Variants in NOVA1 observed in about 807,000 individuals in gnomAD.
NOVA1 encodes the protein RNA-binding protein Nova-1.
A neutral mutation model predicts 38.0 loss-of-function variants in NOVA1; 7 were observed. That is an observed-to-expected ratio of 0.18 (90% CI 0.10 to 0.35). NOVA1 has a LOEUF of 0.35. Ranked by LOEUF, NOVA1 falls within the 10% of genes least tolerant of loss-of-function variation. The pLI is 1.00. For missense variants in NOVA1, 460 were observed against 616.0 expected, an observed-to-expected ratio of 0.75 and a Z score of 2.68; for synonymous variants, 270 against 232.5, an observed-to-expected ratio of 1.16 and a Z score of -1.47.
At chr14:26,530,231 T>C (rs1191047231) in intron 2 of NOVA1, among the ~76,000 whole-genome samples, 1 of 152,208 alleles carries the variant, frequency 6.6e-6, no homozygotes, top group East Asian at 1.9e-4. Flanking sequence ...AGTGACTCAT[T>C]TTACCTTTAC....
At chr14:26,584,863 C>T (rs1328305279) in intron 2 of NOVA1, among the ~76,000 whole-genome samples, 2 of 151,378 alleles carry the variant, frequency 1.3e-5, no homozygotes, top group South Asian at 2.1e-4. Flanking sequence ...ATACAGTTAT[C>T]AAACTTGTAA....
At position 26,448,499 on chromosome 14, in the gene NOVA1, A is replaced by G. The variant is rs1168657548; in HGVS notation, c.984T>C (p.Asn328=). The change falls in exon 5 of 5, where the codon AAT becomes AAC. Residue 328 remains asparagine (N), a synonymous_variant. Coordinates refer to ENST00000539517, the MANE Select transcript of NOVA1 (RefSeq NM_002515.3). This position sits in a 1 kb window ranked among gnomAD's most constrained non-coding sequence, Gnocchi z 5.3. ...ALNTLASYGY[N]LNTLGLGLSQ... ...TGAGACCTAAACCTAAAGTGTTGAG[A>G]TTATATCCATAGCTGGCTAATGTAT... The G allele has an allele frequency of 6.2e-7, 1 of 1,614,132 alleles. No homozygotes were observed. Among genetic ancestry groups the G allele is most frequent in the Non-Finnish European group, 8.5e-7 (1 of 1,180,034 alleles).
rs1477012772 is a variant in NOVA1, at chr14:26,524,579, G to A, written c.281-44436C>T. On this transcript the variant is annotated intron_variant, in intron 2 of 4. Coordinates refer to ENST00000539517, the MANE Select transcript of NOVA1 (RefSeq NM_002515.3). ...GCTTTCTTCAATCACCTTATCAAAAGTAGCCAACATGACCTAGCAGTCTAT... is the reference window on the plus strand; with the variant it reads ...GCTTTCTTCAATCACCTTATCAAAAATAGCCAACATGACCTAGCAGTCTAT... Among the ~76,000 whole-genome samples, 2 of 152,116 alleles carry A rather than the reference G, an allele frequency of 1.3e-5. 1 individual carries two copies. Among genetic ancestry groups the A allele is most frequent in the Admixed American group, 1.3e-4 (2 of 15,276 alleles).
intron 2 of NOVA1, among the ~76,000 whole-genome samples, chr14:26,576,372 C>G (rs1892842801): frequency 6.6e-6 from 1 of 151,038 alleles, no homozygotes; most frequent in Non-Finnish European, 1.5e-5. Context: ...TAAATGAACT[C>G]TATCAACCAG....
chr14:26,496,476 G>C (rs968860612), intron 2 of NOVA1, among the ~76,000 whole-genome samples: 1 of 151,900 alleles, frequency 6.6e-6, no homozygotes, highest in African/African-American at 2.4e-5. Flanking sequence ...TTCTTTTGCT[G>C]TGCAGAAGCT....
chr14:26,540,519 A>G (rs73601941), intron 2 of NOVA1, among the ~76,000 whole-genome samples: 1,770 of 152,338 alleles, frequency 0.012, 18 homozygotes, highest in African/African-American at 0.04. Context: ...AATGGAAACA[A>G]AAAGACAACT....
chr14:26,573,862 T>G (rs1184808252), intron 2 of NOVA1, among the ~76,000 whole-genome samples: 3 of 152,024 alleles, frequency 2.0e-5, no homozygotes, highest in Non-Finnish European at 4.4e-5. Context: ...TTAGACTGAG[T>G]AGCAGAATCA....
At chr14:26,541,311 C>T (rs754127768) in intron 2 of NOVA1, among the ~76,000 whole-genome samples, 1 of 151,710 alleles carries the variant, frequency 6.6e-6, no homozygotes, top group Non-Finnish European at 1.5e-5. Context: ...TATAGGAACA[C>T]AATCCAGGAT....
At chr14:26,553,555 T>C (rs1891292365) in intron 2 of NOVA1, among the ~76,000 whole-genome samples, 1 of 152,004 alleles carries the variant, frequency 6.6e-6, no homozygotes, top group Non-Finnish European at 1.5e-5. Context: ...CTGTGCCTAT[T>C]TGAAGAGAGG....
At chr14:26,501,874 T>C (rs1379731951) in intron 2 of NOVA1, among the ~76,000 whole-genome samples, 4 of 151,956 alleles carry the variant, frequency 2.6e-5, no homozygotes, top group Non-Finnish European at 5.9e-5. Context: ...TACTATTCTT[T>C]TCTCAAGTTT....
At chr14:26,449,688 T>C (rs1166046816) in intron 4 of NOVA1, among the ~76,000 whole-genome samples, 1 of 152,162 alleles carries the variant, frequency 6.6e-6, no homozygotes, top group Admixed American at 6.5e-5. Context: ...CTGCACTATC[T>C]ATATTTGTAA....
intron 2 of NOVA1, among the ~76,000 whole-genome samples, chr14:26,554,928 G>A: frequency 6.6e-6 from 1 of 152,042 alleles, no homozygotes; most frequent in African/African-American, 2.4e-5. Context: ...TTTGTAAACA[G>A]TAATATTAAG....
At chr14:26,520,344 T>C (rs1335712085) in intron 2 of NOVA1, among the ~76,000 whole-genome samples, 1 of 152,180 alleles carries the variant, frequency 6.6e-6, no homozygotes, top group Non-Finnish European at 1.5e-5. Flanking sequence ...TCAGTATGCT[T>C]AGATTTTGGT....
intron 2 of NOVA1, chr14:26,519,141 T>C (rs545869921): frequency 9.9e-5 from 15 of 152,242 alleles, no homozygotes; most frequent in African/African-American, 3.4e-4. Context: ...TTGAAATGTA[T>C]TTCAAATTTA....
chr14:26,528,989 G>A (rs1413301861), intron 2 of NOVA1, among the ~76,000 whole-genome samples: 1 of 152,122 alleles, frequency 6.6e-6, no homozygotes, highest in African/African-American at 2.4e-5. Context: ...CTCAATTTAT[G>A]ACGTGAATGG....
intron 2 of NOVA1, among the ~76,000 whole-genome samples, chr14:26,494,891 T>C (rs1020002913): frequency 6.6e-6 from 1 of 152,190 alleles, no homozygotes; most frequent in African/African-American, 2.4e-5. Context: ...GTAAATATTA[T>C]GTAATTTACC....
chr14:26,461,917 G>T (rs1250696598), intron 4 of NOVA1, among the ~76,000 whole-genome samples: 5 of 149,248 alleles, frequency 3.4e-5, no homozygotes, highest in Non-Finnish European at 5.9e-5. Context: ...TCCAGCCTGG[G>T]CAACAAGAGT....
At chr14:26,511,635 C>T (rs1566492130) in intron 2 of NOVA1, among the ~76,000 whole-genome samples, 1 of 151,924 alleles carries the variant, frequency 6.6e-6, no homozygotes, top group African/African-American at 2.4e-5. Flanking sequence ...GCCTGCAGTC[C>T]CAGCTACTCG....
chr14:26,583,141 G>A (rs1167894792), intron 2 of NOVA1, among the ~76,000 whole-genome samples: 1 of 151,628 alleles, frequency 6.6e-6, no homozygotes, highest in Non-Finnish European at 1.5e-5. Flanking sequence ...CAAATTTTCA[G>A]TTGAGAAGAT....
Sources: allele counts gnomAD v4.1 joint callset (sites outside exome capture counted in the v4.1 genomes callset), GRCh38; gene constraint gnomAD v4.1.1; non-coding constraint Gnocchi (gnomAD v3.1); transcripts MANE v1.5; gene names NCBI Gene and HGNC (gene_info 2026-07-23, HGNC 2026-07-21).